Variants in CFAP299 observed in about 807,000 individuals in gnomAD.
CFAP299 encodes the protein cilia and flagella associated protein 299, also known as cilia- and flagella-associated protein 299.
A neutral mutation model predicts 27.0 loss-of-function variants in CFAP299; 21 were observed. The observed-to-expected ratio is 0.78, with a 90% confidence interval of 0.55 to 1.12. CFAP299 has a LOEUF of 1.12. Ranked by LOEUF, CFAP299 falls within the 50% of genes most tolerant of loss-of-function variation. CFAP299 has a pLI of 0.00. For missense variants in CFAP299, 310 were observed against 276.6 expected (o/e 1.12, Z -0.86); for synonymous variants, 104 against 98.1 (o/e 1.06, Z -0.36).
intron 3 of CFAP299, among the ~76,000 whole-genome samples, chr4:80,811,566 A>T (rs1729154663): frequency 6.6e-6 from 1 of 152,132 alleles, no homozygotes; most frequent in Non-Finnish European, 1.5e-5. Flanking sequence ...TCTGTTTTGC[A>T]GCTACAGACT....
chr4:80,562,180 A>C (rs1422250705), intron 2 of CFAP299, among the ~76,000 whole-genome samples: 1 of 152,150 alleles, frequency 6.6e-6, no homozygotes, highest in East Asian at 1.9e-4. Context: ...ATTAAATCAT[A>C]CCACCAGAGA....
At chr4:80,454,184 G>A (rs556381579) in intron 2 of CFAP299, among the ~76,000 whole-genome samples, 2 of 152,096 alleles carry the variant, frequency 1.3e-5, no homozygotes, top group Admixed American at 6.6e-5. Flanking sequence ...GCCAGAGTCT[G>A]GGAGGAGGTG....
chr4:80,386,716 G>C (rs1286866529), intron 2 of CFAP299: 207 of 1,566,702 alleles, frequency 1.3e-4, no homozygotes, highest in Non-Finnish European at 1.8e-4. Context: ...CGCATTTGTG[G>C]AGCTTCATGC....
At chr4:80,620,798 CTCTG>C (rs1230079019) in intron 3 of CFAP299, among the ~76,000 whole-genome samples, 1 of 152,134 alleles carries the variant, frequency 6.6e-6, no homozygotes, top group Non-Finnish European at 1.5e-5. Context: ...ATTCTGGCAT[CTCTG>C]TCTGGCCATG....
chr4:80,436,719 T>C (rs1728100652), intron 2 of CFAP299, among the ~76,000 whole-genome samples: 1 of 152,196 alleles, frequency 6.6e-6, no homozygotes, highest in Admixed American at 6.5e-5. Flanking sequence ...AAAGATGATT[T>C]TGGGGGGAAA....
intron 2 of CFAP299, among the ~76,000 whole-genome samples, chr4:80,519,702 A>T (rs1323046620): frequency 6.6e-6 from 1 of 152,150 alleles, no homozygotes; most frequent in Non-Finnish European, 1.5e-5. Context: ...TGCAGAAAGG[A>T]GGTGGTAATC....
intron 3 of CFAP299, among the ~76,000 whole-genome samples, chr4:80,832,783 T>G (rs950259716): frequency 1.3e-5 from 2 of 152,162 alleles, no homozygotes; most frequent in Non-Finnish European, 2.9e-5. Flanking sequence ...ATTGGTTAAG[T>G]ACAAGTTTTT....
chr4:80,441,853 T>C (rs2110087306), intron 2 of CFAP299, among the ~76,000 whole-genome samples: 1 of 152,148 alleles, frequency 6.6e-6, no homozygotes, highest in Non-Finnish European at 1.5e-5. Context: ...AATAAAGGGA[T>C]GGAGGAATAT....
chr4:80,447,761 C>A (rs904729939), intron 2 of CFAP299, among the ~76,000 whole-genome samples: 2 of 152,162 alleles, frequency 1.3e-5, no homozygotes, highest in African/African-American at 4.8e-5. Context: ...CCAACAATTG[C>A]AGTTTTACTA....
rs554901860 is a variant in CFAP299 at position 80,437,978 on chromosome 4, T to G, written c.242+75094T>G. ...TACTCATAAAATATATTTTGAGCAT[T>G]TAGTATGTCTTAGGCAGTCTTGTAA... On this transcript the variant is annotated intron_variant, in intron 2 of 5. Coordinates refer to ENST00000358105, the MANE Select transcript of CFAP299 (RefSeq NM_152770.3). 2.5e-3 allele frequency among the ~76,000 whole-genome samples: 378 copies of G among 152,302 alleles called. 2 individuals carry two copies. The highest frequency in any genetic ancestry group is 4.1e-3 in the Non-Finnish European group (280 of 68,026).
chr4:80,538,176 C>T (rs1245015607), intron 2 of CFAP299, among the ~76,000 whole-genome samples: 2 of 151,864 alleles, frequency 1.3e-5, no homozygotes, highest in East Asian at 3.9e-4. Context: ...TGTAACAAAC[C>T]TGCATTGCTA....
At chr4:80,428,689 G>A (rs1020094886) in intron 2 of CFAP299, among the ~76,000 whole-genome samples, 4 of 96,398 alleles carry the variant, frequency 4.1e-5, no homozygotes, top group South Asian at 1.0e-3. Flanking sequence ...ACCATGCCTC[G>A]CTAATTTTTT....
chr4:80,605,860 G>T (rs7696162), intron 3 of CFAP299, among the ~76,000 whole-genome samples: 143,064 of 152,172 alleles, frequency 0.94, 67,295 homozygotes, highest in East Asian at 1. Flanking sequence ...TTTTTTAACA[G>T]TCTGAGTTTT....
At chr4:80,846,256 T>A (rs774668892) in intron 3 of CFAP299, among the ~76,000 whole-genome samples, 3 of 151,866 alleles carry the variant, frequency 2.0e-5, no homozygotes, top group Admixed American at 1.3e-4. Context: ...ATGAGATGAG[T>A]TTCAAAGGGA....
At chr4:80,604,892 G>GAA (rs56306966) in intron 3 of CFAP299, among the ~76,000 whole-genome samples, 17,238 of 145,602 alleles carry the variant, frequency 0.12, 1,493 homozygotes, top group East Asian at 0.3. Context: ...TATAATACCA[G>GAA]AAAAAAAAAA....
intron 3 of CFAP299, among the ~76,000 whole-genome samples, chr4:80,672,364 G>C (rs768857993): frequency 3.0e-4 from 45 of 152,248 alleles, no homozygotes; most frequent in Non-Finnish European, 5.1e-4. Context: ...CAACTTGATC[G>C]TGGTGGATAA....
chr4:80,410,827 A>G (rs1295429888), intron 2 of CFAP299, among the ~76,000 whole-genome samples: 1 of 152,146 alleles, frequency 6.6e-6, no homozygotes, highest in Non-Finnish European at 1.5e-5. Flanking sequence ...GCAGAATTCA[A>G]ACCTTGGCCT....
intron 3 of CFAP299, among the ~76,000 whole-genome samples, chr4:80,867,592 T>A (rs1439944454): frequency 1.3e-5 from 2 of 152,190 alleles, no homozygotes; most frequent in Non-Finnish European, 2.9e-5. Flanking sequence ...CAGATTTGGT[T>A]TCTTAGGAGG....
At chr4:80,907,808 A>G (rs541303808) in intron 4 of CFAP299, among the ~76,000 whole-genome samples, 1 of 152,218 alleles carries the variant, frequency 6.6e-6, no homozygotes, top group South Asian at 2.1e-4. Context: ...ATACAGCCAA[A>G]CTTTGTCAGT....
Sources: allele counts gnomAD v4.1 joint callset (sites outside exome capture counted in the v4.1 genomes callset), GRCh38; gene constraint gnomAD v4.1.1; transcripts MANE v1.5; gene names NCBI Gene and HGNC (gene_info 2026-07-23, HGNC 2026-07-21).